The following ACACA variants were observed in gnomAD, a reference collection of about 807,000 sequenced individuals.
The protein encoded by ACACA is acetyl-CoA carboxylase 1.
In ACACA, 103 loss-of-function variants were observed where a neutral mutation model predicts 296.1. That is an observed-to-expected ratio of 0.35 (90% CI 0.30 to 0.41). ACACA has a LOEUF of 0.41. Ranked by LOEUF, ACACA falls within the 10% of genes least tolerant of loss-of-function variation. The pLI is 1.00. For synonymous variants in ACACA, 953 were observed against 1,038.6 expected (o/e 0.92, Z 1.58); for missense variants, 1,554 against 2,989.7 (o/e 0.52, Z 11.20).
intron 33 of ACACA, among the ~76,000 whole-genome samples, chr17:37,204,368 C>T (rs1222046364): frequency 6.6e-6 from 1 of 152,152 alleles, no homozygotes; most frequent in Admixed American, 6.5e-5. Flanking sequence ...GGCATCAAAT[C>T]CTTAAGTTCT....
chr17:37,149,813 C>G, intron 45 of ACACA, 51 bp downstream of exon 45: 1 of 1,491,216 alleles, frequency 6.7e-7, no homozygotes, highest in Non-Finnish European at 9.4e-7. Flanking sequence ...AGAATTCACA[C>G]AATAATCTTC....
intron 1 of ACACA, among the ~76,000 whole-genome samples, chr17:37,377,702 TAAAA>T (rs1399753402): frequency 1.0e-3 from 143 of 138,516 alleles, no homozygotes; most frequent in East Asian, 0.01. Flanking sequence ...AATAAATAAA[TAAAA>T]GTAAAGTCTT....
chr17:37,368,285 A>G (rs910537275), intron 1 of ACACA, among the ~76,000 whole-genome samples: 5 of 150,680 alleles, frequency 3.3e-5, no homozygotes, highest in Admixed American at 2.0e-4. Context: ...AAATAAATAA[A>G]TAAAAAATTC....
At chr17:37,291,137 A>AAC (rs1487554527) in intron 3 of ACACA, among the ~76,000 whole-genome samples, 1 of 81,212 alleles carries the variant, frequency 1.2e-5, no homozygotes, top group African/African-American at 7.8e-5. Context: ...GCTGATGAAA[A>AAC]ACACATACAC....
At chr17:37,299,375 G>A (rs763527502) in intron 3 of ACACA, 2 of 1,613,616 alleles carry the variant, frequency 1.2e-6, no homozygotes, top group Non-Finnish European at 1.7e-6. Context: ...TCAGATTTCG[G>A]CCTTGTAAAC....
At chr17:37,138,598 C>CT (rs1371062249) in intron 45 of ACACA, among the ~76,000 whole-genome samples, 1 of 152,176 alleles carries the variant, frequency 6.6e-6, no homozygotes, top group African/African-American at 2.4e-5. Flanking sequence ...TCCCTGTCAC[C>CT]TTCACATTAA....
At chr17:37,093,965 T>C (rs2072812321) in intron 54 of ACACA, among the ~76,000 whole-genome samples, 1 of 152,216 alleles carries the variant, frequency 6.6e-6, no homozygotes, top group African/African-American at 2.4e-5. Flanking sequence ...CACATTCTCA[T>C]TGTTCCATGC....
intron 8 of ACACA, 71 bp downstream of exon 8, chr17:37,275,880 A>G: frequency 7.6e-7 from 1 of 1,317,386 alleles, no homozygotes; most frequent in African/African-American, 1.4e-5. Flanking sequence ...ACTTTTTCAA[A>G]AGAGGTAAGT....
chr17:37,148,067 G>A (rs1357309001), intron 45 of ACACA, among the ~76,000 whole-genome samples: 38 of 151,832 alleles, frequency 2.5e-4, no homozygotes, highest in Non-Finnish European at 1.3e-4. Context: ...CTCTGACTGG[G>A]TATGGGAACA....
chr17:37,104,218 GCT>G (rs1256612895), intron 52 of ACACA, among the ~76,000 whole-genome samples: 3 of 152,212 alleles, frequency 2.0e-5, no homozygotes, highest in Admixed American at 1.3e-4. Flanking sequence ...GACAAGTTTG[GCT>G]TAGGTGAAAG....
At chr17:37,143,334 T>C (rs1212862310) in intron 45 of ACACA, among the ~76,000 whole-genome samples, 1 of 151,950 alleles carries the variant, frequency 6.6e-6, no homozygotes, top group Non-Finnish European at 1.5e-5. Context: ...ACAGAACAAT[T>C]GTTTCATATA....
intron 35 of ACACA, 125 bp downstream of exon 35, chr17:37,200,014 A>C (rs1410661881): frequency 1.3e-6 from 1 of 747,882 alleles, no homozygotes; most frequent in East Asian, 2.7e-5. Flanking sequence ...TATTTATTAT[A>C]ATAATTTCTA....
intron 41 of ACACA, among the ~76,000 whole-genome samples, chr17:37,175,173 A>G (rs867762632): frequency 5.9e-4 from 90 of 152,344 alleles, no homozygotes; most frequent in African/African-American, 2.1e-3. Flanking sequence ...GAGCTGATAA[A>G]AAGAAATAAA....
chr17:37,296,297 G>T (rs1193667306), intron 3 of ACACA, among the ~76,000 whole-genome samples: 1 of 144,032 alleles, frequency 6.9e-6, no homozygotes, highest in African/African-American at 2.6e-5. Context: ...CAGATCTTTG[G>T]AGCCTTTTTT....
chr17:37,351,971 C>T (rs2048923967), intron 1 of ACACA, among the ~76,000 whole-genome samples: 1 of 150,310 alleles, frequency 6.7e-6, no homozygotes, highest in South Asian at 2.1e-4. Context: ...TGCTCTGTCA[C>T]CCAGGCTGGA....
intron 6 of ACACA, among the ~76,000 whole-genome samples, chr17:37,277,380 C>G (rs988868860): frequency 6.6e-6 from 1 of 152,236 alleles, no homozygotes. Flanking sequence ...CTTTAGGAAA[C>G]TCAATTCATA....
intron 45 of ACACA, among the ~76,000 whole-genome samples, chr17:37,144,873 C>G (rs2075746491): frequency 6.6e-6 from 1 of 152,024 alleles, no homozygotes; most frequent in South Asian, 2.1e-4. Context: ...CATATCATCT[C>G]CTGGTGAATC....
rs2074422303 is a variant in ACACA, at chr17:37,119,601, C to T, written c.6274+1754G>A. ...AACTTTTCAACCAAACACACACACACACACACACACACACACACACACACA... is the reference window on the plus strand; with the variant it reads ...AACTTTTCAACCAAACACACACACATACACACACACACACACACACACACA... On this transcript the variant is annotated intron_variant, in intron 50 of 55. Coordinates refer to ENST00000616317, the MANE Select transcript of ACACA (RefSeq NM_198834.3). Among the ~76,000 whole-genome samples, 10 of 88,850 alleles carry T rather than the reference C, an allele frequency of 1.1e-4. No individual in the cohort carries two copies. In the South Asian group the frequency reaches 5.1e-3, roughly 45 times the overall value. The allele number at this position is 88,850 out of a possible 152,430, so 58.3% of individuals were successfully genotyped here.
chr17:37,193,329 A>G, intron 36 of ACACA, 45 bp downstream of exon 36: 1 of 1,462,112 alleles, frequency 6.8e-7, no homozygotes, highest in East Asian at 2.3e-5. Flanking sequence ...GGCTTTTAAG[A>G]AAAAGTAATT....
Sources: allele counts gnomAD v4.1 joint callset (sites outside exome capture counted in the v4.1 genomes callset), GRCh38; gene constraint gnomAD v4.1.1; transcripts MANE v1.5; gene names NCBI Gene and HGNC (gene_info 2026-07-23, HGNC 2026-07-21).